Variants in FANCL observed in about 807,000 individuals in gnomAD.
The protein encoded by FANCL is E3 ubiquitin-protein ligase FANCL.
In FANCL, 69 loss-of-function variants were observed where a neutral mutation model predicts 59.4. The observed-to-expected ratio is 1.16, with a 90% CI of 0.96 to 1.42. FANCL has a LOEUF of 1.42. Ranked by LOEUF, FANCL falls within the 40% of genes most tolerant of loss-of-function variation. The pLI is 0.00. For missense variants in FANCL, 519 were observed against 447.2 expected, an observed-to-expected ratio of 1.16 and a Z score of -1.45; for synonymous variants, 180 against 147.1, an observed-to-expected ratio of 1.22 and a Z score of -1.62.
intron 5 of FANCL, among the ~76,000 whole-genome samples, chr2:58,217,209 TATATATACAC>T (rs1266666801): frequency 0.011 from 95 of 8,958 alleles, no homozygotes; most frequent in African/African-American, 0.039. Flanking sequence ...TATATATATA[TATATATACAC>T]ACACACACAC....
intron 7 of FANCL, among the ~76,000 whole-genome samples, chr2:58,177,903 G>A (rs1367585638): frequency 6.6e-6 from 1 of 151,458 alleles, no homozygotes; most frequent in East Asian, 1.9e-4. Flanking sequence ...AATGATGAAG[G>A]GGATATCGCC....
intron 1 of FANCL, among the ~76,000 whole-genome samples, chr2:58,236,890 G>C (rs772569074): frequency 2.6e-5 from 4 of 152,108 alleles, no homozygotes; most frequent in Non-Finnish European, 5.9e-5. Flanking sequence ...AATCCTAAAG[G>C]AGTCAATTCA....
intron 4 of FANCL, among the ~76,000 whole-genome samples, chr2:58,225,058 G>A (rs1021730102): frequency 1.3e-5 from 2 of 151,420 alleles, no homozygotes; most frequent in African/African-American, 4.8e-5. Context: ...ATGAACCTGG[G>A]GCAACTGGTA....
At chr2:58,194,679 T>C (rs1689260305) in intron 7 of FANCL, among the ~76,000 whole-genome samples, 1 of 151,996 alleles carries the variant, frequency 6.6e-6, no homozygotes, top group Non-Finnish European at 1.5e-5. Flanking sequence ...TTGCTGATCA[T>C]GCTGTGAGAC....
At chr2:58,180,928 T>C (rs1347294084) in intron 7 of FANCL, among the ~76,000 whole-genome samples, 2 of 152,012 alleles carry the variant, frequency 1.3e-5, no homozygotes, top group African/African-American at 4.8e-5. Flanking sequence ...TAAATGTTAA[T>C]AAGGACACAA....
chr2:58,201,913 A>C (rs1252884689), intron 6 of FANCL, among the ~76,000 whole-genome samples: 4 of 151,836 alleles, frequency 2.6e-5, no homozygotes, highest in Non-Finnish European at 5.9e-5. Context: ...ATCAAGTAAC[A>C]GAAATAAAGG....
upstream of FANCL, chr2:58,241,373 A>G: frequency 6.5e-7 from 1 of 1,541,922 alleles, no homozygotes; most frequent in Non-Finnish European, 8.9e-7. Context: ...GCACATGCGC[A>G]GTCCGCTGGC....
chr2:58,189,040 TG>T (rs1688677201), intron 7 of FANCL, among the ~76,000 whole-genome samples: 1 of 152,168 alleles, frequency 6.6e-6, no homozygotes, highest in Non-Finnish European at 1.5e-5. Context: ...TTCTGTAAAC[TG>T]CAAACAAATC....
chr2:58,223,952 A>G (rs1056401505), intron 4 of FANCL, among the ~76,000 whole-genome samples: 3 of 151,912 alleles, frequency 2.0e-5, no homozygotes, highest in African/African-American at 7.2e-5. Context: ...TAACACTAAT[A>G]ATTCTTATAT....
rs755417959 is a variant in FANCL at position 58,226,786 on chromosome 2, T to C, written c.217-2A>G. On this transcript the variant is annotated splice_acceptor_variant, in intron 3 of 13. Coordinates refer to ENST00000233741, the MANE Select transcript of FANCL (RefSeq NM_018062.4). LOFTEE classifies it high-confidence loss of function. ...TAGATCAGGAGAGTGCTGCATTCTC[T>C]AGATCAAAATATTTCCAATTAATTT... The C allele has an allele frequency of 1.2e-6, 2 of 1,610,884 alleles. No individual in the cohort carries two copies. The highest frequency in any genetic ancestry group is 3.3e-5 in the Admixed American group (2 of 59,992).
At chr2:58,219,430 C>T (rs1027168088) in intron 5 of FANCL, among the ~76,000 whole-genome samples, 2 of 151,592 alleles carry the variant, frequency 1.3e-5, no homozygotes, top group East Asian at 3.9e-4. Flanking sequence ...TGTGTAAATA[C>T]TGTGCCCTAA....
intron 7 of FANCL, among the ~76,000 whole-genome samples, chr2:58,181,222 A>C (rs1687910680): frequency 6.6e-6 from 1 of 152,080 alleles, no homozygotes; most frequent in Non-Finnish European, 1.5e-5. Context: ...TCAGGAATAA[A>C]AAGGAATGAA....
chr2:58,233,247 T>C (rs1310165825), intron 1 of FANCL, among the ~76,000 whole-genome samples: 1 of 117,336 alleles, frequency 8.5e-6, no homozygotes, highest in East Asian at 2.1e-4. Context: ...ATAGAAGAAC[T>C]ATTCTATATA....
intron 8 of FANCL, 49 bp downstream of exon 8, chr2:58,165,675 T>C: frequency 6.2e-6 from 10 of 1,606,926 alleles, no homozygotes; most frequent in Non-Finnish European, 7.7e-6. Flanking sequence ...ATTTTCATAA[T>C]ACAAAATAAA....
rs767949582 is a variant in FANCL, at chr2:58,198,580, T to A, written c.540+14A>T. ...CTTAAAACAAATTTAAGAATTTACC[T>A]GAGGAGAATTTACCTGAGGTGTCCA... is the stretch of plus-strand genomic sequence containing the variant. On this transcript the variant is annotated intron_variant, in intron 7 of 13. Transcript: ENST00000233741. The A allele has an allele frequency of 6.2e-7, 1 of 1,606,974 alleles. No individual in the cohort carries two copies. The highest frequency in any genetic ancestry group is 8.5e-7 in the Non-Finnish European group (1 of 1,173,834).
intron 1 of FANCL, among the ~76,000 whole-genome samples, chr2:58,240,853 G>A (rs528520363): frequency 1.4e-4 from 22 of 152,302 alleles, no homozygotes; most frequent in South Asian, 8.3e-4. Flanking sequence ...CAACATCCGT[G>A]GAGGTGGAGG....
chr2:58,187,959 T>C (rs1227516398), intron 7 of FANCL, among the ~76,000 whole-genome samples: 2 of 152,182 alleles, frequency 1.3e-5, no homozygotes, highest in Non-Finnish European at 2.9e-5. Flanking sequence ...TTGTTCTTTT[T>C]TGGACCTTGC....
At chr2:58,237,802 A>T (rs143298130) in intron 1 of FANCL, among the ~76,000 whole-genome samples, 6 of 152,326 alleles carry the variant, frequency 3.9e-5, no homozygotes, top group South Asian at 2.1e-4. Context: ...TTTTGAATAT[A>T]GACTAAGAAA....
At chr2:58,188,087 A>G (rs1688583777) in intron 7 of FANCL, among the ~76,000 whole-genome samples, 1 of 152,084 alleles carries the variant, frequency 6.6e-6, no homozygotes, top group Admixed American at 6.6e-5. Context: ...ATTGTAAGTT[A>G]ATTTTTGTAT....
Sources: allele counts gnomAD v4.1 joint callset (sites outside exome capture counted in the v4.1 genomes callset), GRCh38; gene constraint gnomAD v4.1.1; transcripts MANE v1.5; gene names NCBI Gene and HGNC (gene_info 2026-07-23, HGNC 2026-07-21).